The following CNTN4 variants were observed in gnomAD, a reference collection of about 807,000 sequenced individuals.
CNTN4 encodes the protein contactin-4.
A neutral mutation model predicts 122.5 loss-of-function variants in CNTN4; 77 were observed. The observed-to-expected ratio is 0.63, with a 90% CI of 0.52 to 0.76. CNTN4 has a LOEUF of 0.76. CNTN4 is among the 30% of genes least tolerant of loss of function. CNTN4 has a pLI of 0.00. For missense variants in CNTN4, 1,256 were observed against 1,259.1 expected (o/e 1.00, Z 0.04); for synonymous variants, 512 against 447.0 (o/e 1.15, Z -1.83).
chr3:2,416,933 C>G (rs773520944), intron 3 of CNTN4, among the ~76,000 whole-genome samples: 17 of 151,528 alleles, frequency 1.1e-4, no homozygotes, highest in Admixed American at 1.1e-3. Flanking sequence ...GGATTACACG[C>G]GTGAGCCACC....
At chr3:2,577,336 A>G (rs745886190) in intron 4 of CNTN4, among the ~76,000 whole-genome samples, 1 of 152,226 alleles carries the variant, frequency 6.6e-6, no homozygotes, top group Non-Finnish European at 1.5e-5. Context: ...CTGTGTATGT[A>G]TTAATAGATC....
intron 3 of CNTN4, among the ~76,000 whole-genome samples, chr3:2,384,117 A>G (rs2046142007): frequency 6.6e-6 from 1 of 152,180 alleles, no homozygotes; most frequent in Admixed American, 6.5e-5. Context: ...GGGTGAATCA[A>G]ATAAGCTAAT....
intron 4 of CNTN4, among the ~76,000 whole-genome samples, chr3:2,608,199 A>G (rs1200515796): frequency 6.6e-6 from 1 of 152,236 alleles, no homozygotes; most frequent in African/African-American, 2.4e-5. Context: ...CACTCAGATA[A>G]ACATGTGTGC....
At chr3:2,203,642 T>C (rs1009503734) in intron 2 of CNTN4, among the ~76,000 whole-genome samples, 53 of 152,124 alleles carry the variant, frequency 3.5e-4, no homozygotes, top group Non-Finnish European at 3.4e-4. Context: ...TGTATCCTTA[T>C]ACCTTTGTAG....
At chr3:2,863,842 T>C (rs933050042) in intron 7 of CNTN4, among the ~76,000 whole-genome samples, 6 of 152,192 alleles carry the variant, frequency 3.9e-5, no homozygotes, top group African/African-American at 1.4e-4. Context: ...ATCCAGTACT[T>C]CTCAAAGTAA....
At chr3:2,348,004 A>G (rs62244015) in intron 3 of CNTN4, among the ~76,000 whole-genome samples, 19,335 of 151,890 alleles carry the variant, frequency 0.13, 1,528 homozygotes, top group Non-Finnish European at 0.18. Flanking sequence ...GTGCCAACTG[A>G]ATTTTTTCAT....
At chr3:2,840,439 G>T (rs984998151) in intron 7 of CNTN4, among the ~76,000 whole-genome samples, 25 of 151,044 alleles carry the variant, frequency 1.7e-4, no homozygotes, top group African/African-American at 4.9e-4. Context: ...GGTGGCTCAC[G>T]CCTGTCATCC....
chr3:2,490,070 A>ATTATTAT (rs1163491669), intron 3 of CNTN4, among the ~76,000 whole-genome samples: 4 of 151,700 alleles, frequency 2.6e-5, no homozygotes, highest in Non-Finnish European at 5.9e-5. Context: ...TATTATCTCT[A>ATTATTAT]CCAGGAAAGG....
At chr3:2,705,807 A>G (rs1348503867) in intron 4 of CNTN4, among the ~76,000 whole-genome samples, 1 of 102,692 alleles carries the variant, frequency 9.7e-6, no homozygotes, top group Non-Finnish European at 1.7e-5. Flanking sequence ...TGTTATATAT[A>G]ATATATATAA....
rs938360290 is a variant in CNTN4, at chr3:2,169,573, T to G, written c.-145+68934T>G. On this transcript the variant is annotated intron_variant, in intron 2 of 24. Coordinates refer to ENST00000418658, the MANE Select transcript of CNTN4 (RefSeq NM_175607.3). ...AGGCGCCGCCACCACGCCCGGCTGATTTTTTTGTAGAGACGGGGTTTCACC... is the reference window on the plus strand; with the variant it reads ...AGGCGCCGCCACCACGCCCGGCTGAGTTTTTTGTAGAGACGGGGTTTCACC... Among the ~76,000 whole-genome samples, 4 of 146,416 alleles carry G rather than the reference T, an allele frequency of 2.7e-5. No individual in the cohort carries two copies. The South Asian group carries it at 8.7e-4, about 32-fold the overall frequency.
At chr3:2,137,352 G>T (rs1427526835) in intron 2 of CNTN4, among the ~76,000 whole-genome samples, 2 of 152,126 alleles carry the variant, frequency 1.3e-5, no homozygotes, top group African/African-American at 4.8e-5. Context: ...TCAGCAATGG[G>T]CACTGCCTTG....
chr3:2,257,873 G>A (rs188275284), intron 2 of CNTN4, among the ~76,000 whole-genome samples: 1 of 152,080 alleles, frequency 6.6e-6, no homozygotes, highest in African/African-American at 2.4e-5. Flanking sequence ...ATCACCTGGG[G>A]CCTACATGGT....
intron 2 of CNTN4, among the ~76,000 whole-genome samples, chr3:2,239,684 A>G (rs1429730817): frequency 6.6e-6 from 1 of 152,184 alleles, no homozygotes; most frequent in Non-Finnish European, 1.5e-5. Context: ...AGACTGCAAT[A>G]GCAGTCTTCT....
chr3:3,047,721 G>T (rs1700814175), intron 23 of CNTN4, among the ~76,000 whole-genome samples: 1 of 150,326 alleles, frequency 6.7e-6, no homozygotes, highest in South Asian at 2.1e-4. Flanking sequence ...AAAAGAACTA[G>T]AGAAGCAAGA....
chr3:2,358,592 T>C (rs993678947), intron 3 of CNTN4, among the ~76,000 whole-genome samples: 1 of 152,030 alleles, frequency 6.6e-6, no homozygotes, highest in Non-Finnish European at 1.5e-5. Flanking sequence ...CAATTAAAAA[T>C]GATTTTAGAT....
intron 4 of CNTN4, among the ~76,000 whole-genome samples, chr3:2,681,992 AC>A (rs1201451523): frequency 6.6e-6 from 1 of 152,208 alleles, no homozygotes; most frequent in African/African-American, 2.4e-5. Context: ...AACATAAAAT[AC>A]TAGAATGGGA....
intron 8 of CNTN4, among the ~76,000 whole-genome samples, chr3:2,875,713 A>G (rs1416350639): frequency 6.6e-6 from 1 of 152,210 alleles, no homozygotes; most frequent in East Asian, 1.9e-4. Flanking sequence ...AAGACTGTCC[A>G]TTAAAATACT....
chr3:2,515,207 G>A (rs1456159095), intron 3 of CNTN4, among the ~76,000 whole-genome samples: 1 of 152,102 alleles, frequency 6.6e-6, no homozygotes, highest in East Asian at 1.9e-4. Context: ...TGTGCAGCAG[G>A]GACCCAGAAA....
At chr3:2,828,808 A>C (rs1388768354) in intron 7 of CNTN4, among the ~76,000 whole-genome samples, 1 of 152,116 alleles carries the variant, frequency 6.6e-6, no homozygotes, top group African/African-American at 2.4e-5. Context: ...TGGCACGATC[A>C]TGGGTCATTG....
Sources: allele counts gnomAD v4.1 joint callset (sites outside exome capture counted in the v4.1 genomes callset), GRCh38; gene constraint gnomAD v4.1.1; transcripts MANE v1.5; gene names NCBI Gene and HGNC (gene_info 2026-07-23, HGNC 2026-07-21).